The following NME7 variants were observed in gnomAD, a reference collection of about 807,000 sequenced individuals.
The protein encoded by NME7 is NME/NM23 family member 7, also known as nucleoside diphosphate kinase 7.
Under a neutral mutation model 49.1 loss-of-function variants are expected in NME7, and 41 were observed. That is an observed-to-expected ratio of 0.83 (90% CI 0.65 to 1.08). The LOEUF is 1.08. Among genes scored for constraint, NME7 ranks in the 50% least tolerant of loss-of-function variants. The probability of loss-of-function intolerance (pLI) is 0.00; values close to 1 mark genes in which losing one functional copy is unlikely to be tolerated. For synonymous variants in NME7, 139 were observed against 150.6 expected, an observed-to-expected ratio of 0.92 and a Z score of 0.56; for missense variants, 423 against 463.4, an observed-to-expected ratio of 0.91 and a Z score of 0.80.
chr1:169,241,685 TAAA>T (rs1648094530), intron 7 of NME7, among the ~76,000 whole-genome samples: 1 of 151,716 alleles, frequency 6.6e-6, no homozygotes. Flanking sequence ...AAAAGTTAGA[TAAA>T]GAAGAATAAG....
At chr1:169,253,465 G>C (rs200252641) in intron 7 of NME7, among the ~76,000 whole-genome samples, 10,318 of 151,630 alleles carry the variant, frequency 0.068, 1,335 homozygotes, top group East Asian at 0.65. Context: ...ATTTTGGGCT[G>C]AGACAATGGG....
intron 11 of NME7, among the ~76,000 whole-genome samples, chr1:169,167,954 T>C (rs1437402688): frequency 6.6e-6 from 1 of 152,094 alleles, no homozygotes; most frequent in Non-Finnish European, 1.5e-5. Flanking sequence ...ACCAGGAGTG[T>C]TGGGAGACCA....
intron 10 of NME7, among the ~76,000 whole-genome samples, chr1:169,205,551 C>T (rs182283586): frequency 6.6e-6 from 1 of 152,200 alleles, no homozygotes; most frequent in African/African-American, 2.4e-5. Flanking sequence ...CCGGCTTATT[C>T]TTTTTCCGTT....
chr1:169,302,891 T>C (rs2101911795), intron 5 of NME7, among the ~76,000 whole-genome samples: 1 of 152,336 alleles, frequency 6.6e-6, no homozygotes, highest in East Asian at 1.9e-4. Flanking sequence ...TTTTAAAAGT[T>C]ATCCTTCTTG....
intron 1 of NME7, among the ~76,000 whole-genome samples, chr1:169,338,802 A>G (rs964058224): frequency 6.6e-6 from 1 of 152,224 alleles, no homozygotes; most frequent in Admixed American, 6.5e-5. Context: ...GAACATTAAC[A>G]ATGAGGAAAC....
intron 1 of NME7, among the ~76,000 whole-genome samples, chr1:169,348,144 TA>T (rs1653011506): frequency 6.6e-6 from 1 of 152,168 alleles, no homozygotes; most frequent in Admixed American, 6.6e-5. Context: ...TGTACCTTTA[TA>T]AAAGTGGTAA....
At chr1:169,335,325 T>C (rs931540751) in intron 1 of NME7, among the ~76,000 whole-genome samples, 2 of 152,134 alleles carry the variant, frequency 1.3e-5, no homozygotes, top group African/African-American at 4.8e-5. Flanking sequence ...CCATCAATGA[T>C]AGACTGGATA....
chr1:169,215,486 C>T (rs1270795253), intron 10 of NME7, among the ~76,000 whole-genome samples: 1 of 152,064 alleles, frequency 6.6e-6, no homozygotes. Context: ...GGACTCACCC[C>T]TGTCTGCCTA....
intron 11 of NME7, among the ~76,000 whole-genome samples, chr1:169,163,881 C>T (rs573547103): frequency 1.3e-5 from 2 of 152,008 alleles, no homozygotes; most frequent in Admixed American, 6.5e-5. Context: ...GAAGCCAAGG[C>T]GGGCAGATCA....
chr1:169,214,325 C>A (rs1170208994), intron 10 of NME7, among the ~76,000 whole-genome samples: 2 of 152,150 alleles, frequency 1.3e-5, no homozygotes, highest in African/African-American at 4.8e-5. Flanking sequence ...GCTCTCTGAG[C>A]CTGCTGAAGA....
At chr1:169,214,912 G>T (rs1458542533) in intron 10 of NME7, among the ~76,000 whole-genome samples, 2 of 152,258 alleles carry the variant, frequency 1.3e-5, no homozygotes, top group African/African-American at 4.8e-5. Flanking sequence ...TGTGTTACCA[G>T]CTCAGTGGGC....
At chr1:169,333,761 T>C (rs1652355598) in intron 1 of NME7, among the ~76,000 whole-genome samples, 2 of 152,158 alleles carry the variant, frequency 1.3e-5, no homozygotes, top group African/African-American at 2.4e-5. Flanking sequence ...CAAGAAGGGA[T>C]GGAAACTCCC....
At chr1:169,280,950 T>C (rs1372614616) in intron 7 of NME7, among the ~76,000 whole-genome samples, 2 of 152,224 alleles carry the variant, frequency 1.3e-5, no homozygotes, top group South Asian at 4.2e-4. Context: ...TCTTTTTTGG[T>C]TCCATATGAA....
chr1:169,237,789 C>A, intron 7 of NME7, 102 bp from the exon 8 acceptor site: 2 of 757,000 alleles, frequency 2.6e-6, no homozygotes, highest in Non-Finnish European at 4.4e-6. Flanking sequence ...TGTTTATACT[C>A]TATATTTAAA....
chr1:169,252,882 T>C (rs1275144980), intron 7 of NME7, among the ~76,000 whole-genome samples: 19 of 148,354 alleles, frequency 1.3e-4, no homozygotes, highest in African/African-American at 4.3e-4. Flanking sequence ...AGATATGCGG[T>C]GTTATTTCTG....
intron 1 of NME7, among the ~76,000 whole-genome samples, chr1:169,365,913 T>G (rs1055857120): frequency 1.3e-5 from 2 of 152,184 alleles, no homozygotes; most frequent in African/African-American, 2.4e-5. Context: ...AATATAGTAG[T>G]AGCATTATTT....
chr1:169,367,596 G>C (rs1329708325), intron 1 of NME7, 112 bp downstream of exon 1: 2 of 1,187,764 alleles, frequency 1.7e-6, no homozygotes, highest in Non-Finnish European at 1.3e-6. Flanking sequence ...AAGAGATAAC[G>C]GGGAGAAGGT....
chr1:169,300,327 T>C (rs1650889909), intron 5 of NME7, among the ~76,000 whole-genome samples: 1 of 152,150 alleles, frequency 6.6e-6, no homozygotes, highest in Admixed American at 6.6e-5. Context: ...AGGAATATTT[T>C]ATAACACTTG....
intron 7 of NME7, among the ~76,000 whole-genome samples, chr1:169,243,146 T>C (rs1208635096): frequency 6.6e-6 from 1 of 152,174 alleles, no homozygotes; most frequent in Non-Finnish European, 1.5e-5. Context: ...TCATGGTTCA[T>C]TATTAACTGC....
Sources: gnomAD v4.1 joint callset for allele counts (sites outside exome capture counted in the v4.1 genomes callset) on GRCh38, gnomAD v4.1.1 for gene constraint, MANE v1.5 for transcripts, NCBI Gene and HGNC (gene_info 2026-07-23, HGNC 2026-07-21) for gene names.